The following GLRA2 variants were observed in gnomAD, a reference collection of about 807,000 sequenced individuals.
The protein encoded by GLRA2 is glycine receptor alpha 2, also known as glycine receptor subunit alpha-2.
Under a neutral mutation model 31.6 loss-of-function variants are expected in GLRA2, and 11 were observed. The ratio of observed to expected loss-of-function variants is 0.35; its 90% CI spans 0.22 to 0.58. The LOEUF (loss-of-function observed/expected upper bound fraction) is 0.58, where lower values mean the gene tolerates loss of function less well. GLRA2 is among the 20% of genes least tolerant of loss of function. The pLI is 0.84. For missense variants in GLRA2, 212 were observed against 351.8 expected, an observed-to-expected ratio of 0.60 and a Z score of 3.18; for synonymous variants, 132 against 134.0, an observed-to-expected ratio of 0.99 and a Z score of 0.10.
intron 7 of GLRA2, among the ~76,000 whole-genome samples, chrX:14,623,654 T>G (rs141731567): frequency 0.028 from 3,135 of 111,734 alleles, 111 homozygotes; most frequent in African/African-American, 0.095. Flanking sequence ...ATTACATTTA[T>G]CGATTTGCGT....
At chrX:14,651,482 T>C (rs2090889550) in intron 7 of GLRA2, among the ~76,000 whole-genome samples, 1 of 111,670 alleles carries the variant, frequency 9.0e-6, no homozygotes, top group African/African-American at 3.3e-5. Context: ...CATAAAAGCA[T>C]AGTACTGTAT....
At chrX:14,596,566 G>A (rs1341475585) in intron 4 of GLRA2, among the ~76,000 whole-genome samples, 1 of 110,712 alleles carries the variant, frequency 9.0e-6, no homozygotes, top group Admixed American at 9.6e-5. Context: ...AGAATCGCTT[G>A]AACTCGGGAG....
chrX:14,645,010 A>G (rs1184399632), intron 7 of GLRA2, among the ~76,000 whole-genome samples: 1 of 112,145 alleles, frequency 8.9e-6, no homozygotes, highest in Non-Finnish European at 1.9e-5. Flanking sequence ...TTAAGCCTTC[A>G]TCTTCAATGT....
chrX:14,695,689 T>C (rs969282702), intron 8 of GLRA2, among the ~76,000 whole-genome samples: 6 of 111,904 alleles, frequency 5.4e-5, no homozygotes, highest in African/African-American at 1.9e-4. Flanking sequence ...AATGGGAGAA[T>C]GACTATGGTT....
At chrX:14,450,312 G>A in the GLRA2 span, among the ~76,000 whole-genome samples, 1 of 111,890 alleles carries the variant, frequency 8.9e-6, no homozygotes, top group Non-Finnish European at 1.9e-5. Context: ...GGTTATTGGA[G>A]GAGAGTTGCA....
intron 3 of GLRA2, among the ~76,000 whole-genome samples, chrX:14,575,982 C>A (rs755517495): frequency 9.2e-6 from 1 of 109,216 alleles, no homozygotes; most frequent in Non-Finnish European, 1.9e-5. Context: ...TTTGATAAAA[C>A]CAAAATCAAG....
the GLRA2 span, among the ~76,000 whole-genome samples, chrX:14,450,018 G>A: frequency 8.9e-6 from 1 of 111,944 alleles, no homozygotes; most frequent in African/African-American, 3.2e-5. Context: ...CCAGGTGACA[G>A]TGCTCCCTAG....
chrX:14,458,341 T>C, the GLRA2 span, among the ~76,000 whole-genome samples: 1,532 of 111,960 alleles, frequency 0.014, 24 homozygotes, highest in African/African-American at 0.048. Context: ...TCCGTGTGCA[T>C]GTGTCTTTAT....
the GLRA2 span, among the ~76,000 whole-genome samples, chrX:14,471,096 A>T: frequency 8.9e-6 from 1 of 112,045 alleles, no homozygotes; most frequent in African/African-American, 3.2e-5. Context: ...AGGACAAATG[A>T]TCAGGCTCTC....
intron 7 of GLRA2, among the ~76,000 whole-genome samples, chrX:14,648,883 T>C (rs934739448): frequency 8.9e-6 from 1 of 111,991 alleles, no homozygotes; most frequent in Admixed American, 9.5e-5. Context: ...CTGGTGGAAA[T>C]GCAAAATGTT....
At chrX:14,713,695 G>T (rs942065789) in intron 8 of GLRA2, among the ~76,000 whole-genome samples, 15 of 111,304 alleles carry the variant, frequency 1.3e-4, no homozygotes, top group African/African-American at 4.9e-4. Flanking sequence ...AAAGACTTCA[G>T]AGTTTGCATG....
chrX:14,626,316 C>T (rs1178341551), intron 7 of GLRA2, among the ~76,000 whole-genome samples: 4 of 112,141 alleles, frequency 3.6e-5, no homozygotes, highest in South Asian at 3.7e-4. Context: ...TAATTATAGG[C>T]GGTAGCCCTT....
chrX:14,448,833 T>C, the GLRA2 span, among the ~76,000 whole-genome samples: 2 of 109,738 alleles, frequency 1.8e-5, no homozygotes, highest in African/African-American at 6.7e-5. Context: ...AGCTCACTCG[T>C]GCCTAGAGAG....
intron 7 of GLRA2, among the ~76,000 whole-genome samples, chrX:14,683,151 A>G (rs1266949408): frequency 8.9e-6 from 1 of 111,868 alleles, no homozygotes; most frequent in African/African-American, 3.2e-5. Flanking sequence ...GGTTGAACTA[A>G]TTTACAGTCT....
intron 2 of GLRA2, among the ~76,000 whole-genome samples, chrX:14,555,652 T>G (rs920941779): frequency 8.9e-6 from 1 of 112,378 alleles, no homozygotes. Context: ...TCTGGAGAGA[T>G]AAACAGAATT....
At chrX:14,479,547 C>T in the GLRA2 span, among the ~76,000 whole-genome samples, 4 of 111,298 alleles carry the variant, frequency 3.6e-5, no homozygotes, top group African/African-American at 1.3e-4. Context: ...CCCTTCTCTC[C>T]AAGTAGTCCC....
intron 8 of GLRA2, among the ~76,000 whole-genome samples, chrX:14,710,498 A>G (rs2091696848): frequency 8.9e-6 from 1 of 112,161 alleles, no homozygotes; most frequent in Non-Finnish European, 1.9e-5. Context: ...TTCTTATTCT[A>G]TATTCTATAT....
intron 8 of GLRA2, among the ~76,000 whole-genome samples, chrX:14,717,741 A>G (rs1277031325): frequency 1.7e-5 from 1 of 59,872 alleles, no homozygotes; most frequent in Non-Finnish European, 3.7e-5. Context: ...TCTGTAAAGT[A>G]AAAAAAAAAA....
At chrX:14,716,833 T>C (rs1306828787) in intron 8 of GLRA2, among the ~76,000 whole-genome samples, 1 of 110,920 alleles carries the variant, frequency 9.0e-6, no homozygotes, top group African/African-American at 3.3e-5. Context: ...CTAAAACCAA[T>C]AGGTAACTAG....
Sources: allele counts gnomAD v4.1 joint callset (sites outside exome capture counted in the v4.1 genomes callset), GRCh38; gene constraint gnomAD v4.1.1; transcripts MANE v1.5; gene names NCBI Gene and HGNC (gene_info 2026-07-23, HGNC 2026-07-21).